PCDHAC1: variants seen among roughly 807,000 people sequenced by gnomAD.
The protein encoded by PCDHAC1 is protocadherin alpha-C1.
PCDHAC1 carries 42 observed loss-of-function variants against 60.0 expected under a neutral mutation model. That is an observed-to-expected ratio of 0.70 (90% CI 0.55 to 0.90). PCDHAC1 has a LOEUF of 0.90. PCDHAC1 is among the 40% of genes least tolerant of loss of function. PCDHAC1 has a pLI of 0.00. For synonymous variants in PCDHAC1, 468 were observed against 499.3 expected, an observed-to-expected ratio of 0.94 and a Z score of 0.84; for missense variants, 1,160 against 1,222.3, an observed-to-expected ratio of 0.95 and a Z score of 0.76.
chr5:140,972,359 A>T (rs1466504264), intron 1 of PCDHAC1, among the ~76,000 whole-genome samples: 3 of 151,418 alleles, frequency 2.0e-5, no homozygotes, highest in Non-Finnish European at 4.4e-5. Flanking sequence ...TATGTTGCAC[A>T]TGCTGTTAGT....
At chr5:140,938,535 T>C (rs1213072173) in intron 1 of PCDHAC1, among the ~76,000 whole-genome samples, 2 of 140,516 alleles carry the variant, frequency 1.4e-5, no homozygotes, top group African/African-American at 2.6e-5. Flanking sequence ...ATGGATAATA[T>C]GGATTTTTAT....
intron 3 of PCDHAC1, among the ~76,000 whole-genome samples, chr5:141,000,895 T>C (rs896500322): frequency 5.3e-5 from 8 of 152,072 alleles, no homozygotes; most frequent in Non-Finnish European, 1.2e-4. Context: ...GCAACAGATA[T>C]AGACGCTGTC....
intron 1 of PCDHAC1, chr5:140,969,064 C>G: frequency 6.2e-7 from 1 of 1,614,136 alleles, no homozygotes; most frequent in Non-Finnish European, 8.5e-7. Context: ...ATATTGATGC[C>G]AGGATACCGC....
chr5:140,967,548 C>G (rs782750678), intron 1 of PCDHAC1: 1 of 1,613,922 alleles, frequency 6.2e-7, no homozygotes, highest in Admixed American at 1.7e-5. Flanking sequence ...GACCAGTCCA[C>G]TTATCGCGTC....
At chr5:140,967,409 C>T (rs1451311967) in intron 1 of PCDHAC1, 9 of 1,613,130 alleles carry the variant, frequency 5.6e-6, no homozygotes, top group Non-Finnish European at 7.6e-6. Flanking sequence ...GCGTAAGGGC[C>T]TAGACCGGGA....
At chr5:140,955,469 T>C (rs1324804121) in intron 1 of PCDHAC1, among the ~76,000 whole-genome samples, 11 of 152,208 alleles carry the variant, frequency 7.2e-5, no homozygotes, top group Middle Eastern at 3.4e-3. Flanking sequence ...CCTTTTTGCT[T>C]GGCACCTCTC....
At chr5:140,974,335 G>T (rs1481372488) in intron 1 of PCDHAC1, among the ~76,000 whole-genome samples, 2 of 152,158 alleles carry the variant, frequency 1.3e-5, no homozygotes, top group African/African-American at 4.8e-5. Context: ...GTGCTAGCAG[G>T]CTATGCATCC....
At chr5:140,984,588 T>C (rs1338170509) in intron 3 of PCDHAC1, among the ~76,000 whole-genome samples, 1 of 152,170 alleles carries the variant, frequency 6.6e-6, no homozygotes, top group Non-Finnish European at 1.5e-5. Flanking sequence ...AATCATACTT[T>C]TCAATACATA....
chr5:140,954,845 C>T (rs1479368081), intron 1 of PCDHAC1, among the ~76,000 whole-genome samples: 2 of 152,140 alleles, frequency 1.3e-5, no homozygotes, highest in African/African-American at 4.8e-5. Context: ...AAATCTTTGC[C>T]TGTGCCTATG....
At chr5:140,935,358 A>C (rs2090329846) in intron 1 of PCDHAC1, among the ~76,000 whole-genome samples, 1 of 152,220 alleles carries the variant, frequency 6.6e-6, no homozygotes, top group East Asian at 1.9e-4. Context: ...CCCAGTTTTC[A>C]TTAACGTCAA....
chr5:140,926,726 C>T lies in PCDHAC1; in HGVS notation c.-167C>T. ...AGCTGGCCAGCCCCGGCAATGCCGG[C>T]GTTCGGGAGGCGCAACGTCGGCGGT... is the stretch of plus-strand genomic sequence containing the variant. On this transcript the variant is annotated 5_prime_UTR_variant, in exon 1 of 4. Coordinates refer to ENST00000253807, the MANE Select transcript of PCDHAC1 (RefSeq NM_018898.5). 1 of 1,046,502 alleles carries T rather than the reference C, an allele frequency of 9.6e-7. No homozygotes were observed. Among genetic ancestry groups the T allele is most frequent in the Non-Finnish European group, 1.3e-6 (1 of 783,858 alleles). 64.8% of individuals were successfully genotyped at this position (1,046,502 alleles called of 1,614,324 possible). A position where few individuals can be genotyped will look rare whatever the true frequency, so the allele number is the denominator to read the frequency against.
intron 1 of PCDHAC1, among the ~76,000 whole-genome samples, chr5:140,970,418 G>A (rs1377182658): frequency 6.6e-6 from 1 of 152,220 alleles, no homozygotes; most frequent in East Asian, 1.9e-4. Flanking sequence ...ACAGTAAGGT[G>A]TAGAGGCAGG....
chr5:140,997,577 T>G (rs2097775398), intron 3 of PCDHAC1, among the ~76,000 whole-genome samples: 1 of 152,186 alleles, frequency 6.6e-6, no homozygotes, highest in Admixed American at 6.5e-5. Flanking sequence ...GTGTGGTCCG[T>G]TGTTGACTGA....
intron 1 of PCDHAC1, chr5:140,967,709 G>A (rs1554229820): frequency 3.1e-6 from 5 of 1,614,022 alleles, no homozygotes; most frequent in Admixed American, 3.3e-5. Flanking sequence ...TGCCAGTACC[G>A]GGGAAGTGCG....
Position 140,927,903 on chromosome 5 carries a change from C to T in PCDHAC1, c.1011C>T (p.Ala337=). The T allele has an allele frequency of 6.2e-7, 1 of 1,614,158 alleles. No individual in the cohort carries two copies. Among genetic ancestry groups the T allele is most frequent in the South Asian group, 1.1e-5 (1 of 91,082 alleles). ...AGGTGACTGACGTGAACGATCATGC[C>T]CCCGAACTGGACTTCCTGACTCTTT... ...LVEVTDVNDH[A]PELDFLTLSN... The change falls in exon 1 of 4, where the codon GCC becomes GCT. Residue 337 remains alanine (A), a synonymous_variant. Coordinates refer to ENST00000253807, the MANE Select transcript of PCDHAC1 (RefSeq NM_018898.5).
At chr5:141,000,412 TATA>T (rs2097919742) in intron 3 of PCDHAC1, among the ~76,000 whole-genome samples, 3 of 102,806 alleles carry the variant, frequency 2.9e-5, no homozygotes, top group African/African-American at 7.7e-5. Flanking sequence ...TATATATATA[TATA>T]TATATATTTT....
chr5:140,927,854 C>T lies in PCDHAC1; in HGVS notation c.962C>T (p.Ala321Val), dbSNP rs1047804872. 6.2e-7 allele frequency: 1 copy of T among 1,614,222 alleles called. No individual in the cohort carries two copies. Among genetic ancestry groups the T allele is most frequent in the South Asian group, 1.1e-5 (1 of 91,088 alleles). Residue 321 changes from alanine to valine, a missense_variant, in exon 1 of 4, where the codon GCT becomes GTT. Physicochemically the swap from Ala to Val is moderately conservative, Grantham distance 64. Coordinates refer to ENST00000253807, the MANE Select transcript of PCDHAC1 (RefSeq NM_018898.5). ...AGGGACGAAGGTGTCTTTGGTTTAG[C>T]TAGCACCGCTAAACTGCTGGTGGAG... ...EARDEGVFGLASTAKLLVEVT... is the reference protein window; with the variant it reads ...EARDEGVFGLVSTAKLLVEVT...
At chr5:140,986,052 C>A (rs896963006) in intron 3 of PCDHAC1, among the ~76,000 whole-genome samples, 3 of 152,066 alleles carry the variant, frequency 2.0e-5, no homozygotes, top group Admixed American at 1.3e-4. Flanking sequence ...CTGATGAATT[C>A]TTTTGCTTTT....
At chr5:140,941,523 A>T (rs1351933430) in intron 1 of PCDHAC1, among the ~76,000 whole-genome samples, 1 of 151,186 alleles carries the variant, frequency 6.6e-6, no homozygotes, top group Non-Finnish European at 1.5e-5. Flanking sequence ...CACCATCTTG[A>T]CCAGGCTGGT....
Sources: allele counts gnomAD v4.1 joint callset (sites outside exome capture counted in the v4.1 genomes callset), GRCh38; gene constraint gnomAD v4.1.1; transcripts MANE v1.5; gene names NCBI Gene and HGNC (gene_info 2026-07-23, HGNC 2026-07-21).